The following NAPEPLD variants were observed in gnomAD, a reference collection of about 807,000 sequenced individuals.
NAPEPLD encodes the protein N-acyl-phosphatidylethanolamine-hydrolyzing phospholipase D.
A neutral mutation model predicts 38.1 loss-of-function variants in NAPEPLD; 23 were observed. That is an observed-to-expected ratio of 0.60 (90% CI 0.43 to 0.86). The LOEUF is 0.86. NAPEPLD is among the 40% of genes least tolerant of loss of function. The pLI, the probability that NAPEPLD is intolerant of heterozygous loss-of-function variation, is 0.00. For synonymous variants in NAPEPLD, 147 were observed against 162.0 expected, an observed-to-expected ratio of 0.91 and a Z score of 0.71; for missense variants, 411 against 476.8, an observed-to-expected ratio of 0.86 and a Z score of 1.28.
At chr7:103,121,995 A>G (rs1388291173) in intron 2 of NAPEPLD, among the ~76,000 whole-genome samples, 3 of 152,206 alleles carry the variant, frequency 2.0e-5, no homozygotes. Flanking sequence ...TACAGAGCCA[A>G]ACAGGAATGT....
chr7:103,128,322 T>C (rs1808234906), intron 2 of NAPEPLD, 161 bp downstream of exon 2: 3 of 795,298 alleles, frequency 3.8e-6, no homozygotes, highest in Non-Finnish European at 5.9e-6. Flanking sequence ...TATTCCTATA[T>C]GTACTCTGCT....
intron 4 of NAPEPLD, among the ~76,000 whole-genome samples, chr7:103,109,226 G>C (rs1233795893): frequency 6.6e-6 from 1 of 152,072 alleles, no homozygotes; most frequent in Non-Finnish European, 1.5e-5. Flanking sequence ...ACTCAGCTCT[G>C]GACCAAGCAG....
At chr7:103,144,575 T>G (rs1812162649) in intron 1 of NAPEPLD, among the ~76,000 whole-genome samples, 1 of 152,098 alleles carries the variant, frequency 6.6e-6, no homozygotes, top group South Asian at 2.1e-4. Flanking sequence ...TGTCTCAGTT[T>G]ATCCAGCATA....
intron 1 of NAPEPLD, chr7:103,141,304 C>A: frequency 2.9e-6 from 1 of 343,372 alleles, no homozygotes. Context: ...AATGGCTGAT[C>A]TATGTAATCA....
intron 2 of NAPEPLD, among the ~76,000 whole-genome samples, chr7:103,120,523 C>A (rs1458241936): frequency 6.6e-6 from 1 of 151,926 alleles, no homozygotes; most frequent in African/African-American, 2.4e-5. Flanking sequence ...TTCAGTACTG[C>A]CAGAAGTAGA....
chr7:103,134,423 G>C (rs574445173), intron 1 of NAPEPLD, among the ~76,000 whole-genome samples: 10 of 152,288 alleles, frequency 6.6e-5, no homozygotes, highest in Admixed American at 5.2e-4. Context: ...GCCGAGGCAG[G>C]TGGATCACCT....
intron 1 of NAPEPLD, among the ~76,000 whole-genome samples, chr7:103,142,997 G>T (rs1375645560): frequency 6.6e-6 from 1 of 152,020 alleles, no homozygotes; most frequent in African/African-American, 2.4e-5. Context: ...GCCAAGGCAG[G>T]CAGATCACTT....
intron 4 of NAPEPLD, among the ~76,000 whole-genome samples, chr7:103,105,664 C>T (rs1027088990): frequency 6.6e-6 from 1 of 152,186 alleles, no homozygotes; most frequent in African/African-American, 2.4e-5. Context: ...TCATGGGTAA[C>T]TGGCTGGGTG....
chr7:103,114,689 C>T (rs796904379), intron 4 of NAPEPLD, among the ~76,000 whole-genome samples: 4 of 152,194 alleles, frequency 2.6e-5, no homozygotes, highest in African/African-American at 9.6e-5. Context: ...CCCCTTCTAA[C>T]ATCTGTATCA....
At chr7:103,149,851 G>C (rs1375686207), upstream of NAPEPLD, among the ~76,000 whole-genome samples, 2 of 152,206 alleles carry the variant, frequency 1.3e-5, no homozygotes, top group Admixed American at 6.5e-5. Flanking sequence ...AATCACAGTC[G>C]AGAAGCATTT....
At chr7:103,142,032 G>C in intron 1 of NAPEPLD, 2 of 605,306 alleles carry the variant, frequency 3.3e-6, no homozygotes, top group South Asian at 4.0e-5. Flanking sequence ...AGGTGGGGCA[G>C]TTTCTCTAGA....
rs558136460 is a variant in NAPEPLD, at chr7:103,123,008, G to A, written c.295-2785C>T. 6.6e-5 allele frequency among the ~76,000 whole-genome samples: 10 copies of A among 152,336 alleles called. 1 individual carries two copies. The highest frequency in any genetic ancestry group is 2.0e-4 in the Admixed American group (3 of 15,296). ...AGGGACTGCCCCAATTCTCTCGGGC[G>A]TTTCATGCTCCTCTTCCACATGTGC... On this transcript the variant is annotated intron_variant, in intron 2 of 4. Coordinates refer to ENST00000465647, the MANE Select transcript of NAPEPLD (RefSeq NM_001122838.3).
chr7:103,137,908 G>A (rs1163769760), intron 1 of NAPEPLD, among the ~76,000 whole-genome samples: 1 of 151,342 alleles, frequency 6.6e-6, no homozygotes, highest in Non-Finnish European at 1.5e-5. Flanking sequence ...AAGGTAGGAG[G>A]AACAGTAAGT....
rs769769155 is a variant in NAPEPLD at position 103,120,176 on chromosome 7, G to T, written c.342C>A (p.Asn114Lys). Residue 114 changes from asparagine (N) to lysine (K), a missense_variant, in exon 3 of 5, where the codon AAC (asparagine) becomes AAA (lysine). Physicochemically the swap from Asn to Lys is moderately conservative, Grantham distance 94. Transcript: ENST00000465647. ...LPVLKPYFIT[N>K]PEEAGVREAG... The stretch of plus-strand genomic sequence containing the variant: ...CTTCCCTCACTCCAGCTTCTTCAGG[G>T]TTAGTGATAAAATATGGCTTAAGCA... 1.2e-6 allele frequency: 2 copies of T among 1,613,992 alleles called. No homozygotes were observed. Among genetic ancestry groups the T allele is most frequent in the Non-Finnish European group, 1.7e-6 (2 of 1,180,034 alleles).
chr7:103,143,145 T>C (rs1378946143), intron 1 of NAPEPLD, among the ~76,000 whole-genome samples: 1 of 152,060 alleles, frequency 6.6e-6, no homozygotes, highest in African/African-American at 2.4e-5. Flanking sequence ...GAGGATTGCT[T>C]GAGCCCAGGA....
Position 103,099,886 on chromosome 7 carries a change from A to G in NAPEPLD, c.*3543T>C, listed in dbSNP as rs1359621970. ...AGCATTTTCCATAAGCTACTATAAC[A>G]ATTTATTGATACATCTGGGATTCAG... is the stretch of plus-strand genomic sequence containing the variant. On this transcript the variant is annotated 3_prime_UTR_variant, in exon 5 of 5. Coordinates refer to ENST00000465647, the MANE Select transcript of NAPEPLD (RefSeq NM_001122838.3). The G allele has an allele frequency of 1.3e-5, 2 of 152,288 alleles. No individual in the cohort carries two copies. Among genetic ancestry groups the G allele is most frequent in the Middle Eastern group, 3.4e-3 (1 of 294 alleles). 9.4% of individuals were successfully genotyped at this position (152,288 alleles called of 1,614,324 possible). A position where few individuals can be genotyped will look rare whatever the true frequency, so the allele number is the denominator to read the frequency against.
chr7:103,146,483 A>G (rs1021396123), intron 1 of NAPEPLD, among the ~76,000 whole-genome samples: 5 of 152,224 alleles, frequency 3.3e-5, no homozygotes, highest in African/African-American at 9.6e-5. Flanking sequence ...TTAAATCAAT[A>G]TATTACTGTC....
chr7:103,118,699 CTCTT>C (rs943130162), intron 3 of NAPEPLD, among the ~76,000 whole-genome samples: 129 of 152,224 alleles, frequency 8.5e-4, no homozygotes, highest in Middle Eastern at 6.8e-3. Context: ...GTTTTGTTTT[CTCTT>C]TATTTGCACA....
intron 1 of NAPEPLD, among the ~76,000 whole-genome samples, chr7:103,138,941 G>A (rs185754961): frequency 6.6e-6 from 1 of 152,234 alleles, no homozygotes; most frequent in Non-Finnish European, 1.5e-5. Flanking sequence ...CTCTAACTCA[G>A]CCTTGGCCAA....
Sources: gnomAD v4.1 joint callset for allele counts (sites outside exome capture counted in the v4.1 genomes callset) on GRCh38, gnomAD v4.1.1 for gene constraint, MANE v1.5 for transcripts, NCBI Gene and HGNC (gene_info 2026-07-23, HGNC 2026-07-21) for gene names.